NWD2: variants seen among roughly 807,000 people sequenced by gnomAD.
NWD2 encodes NACHT and WD repeat domain-containing protein 2.
In NWD2, 37 loss-of-function variants were observed where a neutral mutation model predicts 132.7. The ratio of observed to expected loss-of-function variants is 0.28; its 90% CI spans 0.21 to 0.37. The LOEUF (loss-of-function observed/expected upper bound fraction) is 0.37. Among genes scored for constraint, NWD2 ranks in the 10% least tolerant of loss-of-function variants. The probability of loss-of-function intolerance (pLI) is 1.00; values close to 1 mark genes in which losing one functional copy is unlikely to be tolerated. For missense variants in NWD2, 1,592 were observed against 2,122.4 expected, an observed-to-expected ratio of 0.75 and a Z score of 4.91; for synonymous variants, 705 against 803.0, an observed-to-expected ratio of 0.88 and a Z score of 2.06.
intron 1 of NWD2, among the ~76,000 whole-genome samples, chr4:37,300,889 T>C (rs1718599551): frequency 6.6e-6 from 1 of 152,140 alleles, no homozygotes; most frequent in Non-Finnish European, 1.5e-5. Flanking sequence ...AGACATATTA[T>C]TTAAGACATA....
chr4:37,343,378 A>G (rs1021814545), intron 2 of NWD2, among the ~76,000 whole-genome samples: 2 of 152,228 alleles, frequency 1.3e-5, no homozygotes, highest in Non-Finnish European at 2.9e-5. Flanking sequence ...GCAGATGTTA[A>G]TCCTTTTATT....
At chr4:37,342,832 C>T (rs755384226) in intron 2 of NWD2, among the ~76,000 whole-genome samples, 1 of 152,168 alleles carries the variant, frequency 6.6e-6, no homozygotes, top group Non-Finnish European at 1.5e-5. Context: ...AAGCATCATC[C>T]AACCTCATAT....
chr4:37,447,887 G>A lies in NWD2; in HGVS notation c.*670G>A, dbSNP rs1032729163. ...AAAGACAGTTGCAACAATTGCATGCGAGGGTTTCTGTATAACAGAATATAT... is the reference window on the plus strand; with the variant it reads ...AAAGACAGTTGCAACAATTGCATGCAAGGGTTTCTGTATAACAGAATATAT... On this transcript the variant is annotated 3_prime_UTR_variant, in exon 7 of 7. Transcript: ENST00000309447. 3.3e-5 allele frequency: 5 copies of A among 152,194 alleles called. No individual in the cohort carries two copies. The highest frequency in any genetic ancestry group is 1.9e-4 in the East Asian group (1 of 5,202). The allele number at this position is 152,194 out of a possible 1,614,324, so 9.4% of individuals were successfully genotyped here. A position where few individuals can be genotyped will look rare whatever the true frequency, so the allele number is the denominator to read the frequency against.
At chr4:37,384,721 T>A (rs1720523748) in intron 3 of NWD2, among the ~76,000 whole-genome samples, 1 of 152,226 alleles carries the variant, frequency 6.6e-6, no homozygotes, top group Non-Finnish European at 1.5e-5. Context: ...TCCAGATACA[T>A]CTAAAAGACT....
chr4:37,445,622 A>C lies in NWD2; in HGVS notation c.3634A>C (p.Ile1212Leu), dbSNP rs1270416020. Residue 1212 changes from isoleucine to leucine, a missense_variant, in exon 7 of 7, where the codon ATT (isoleucine) becomes CTT (leucine). By Grantham distance (5) the Ile-to-Leu change is conservative. This residue lies in a region of NWD2 where 1,071 missense variants were observed against 1,398.0 expected (regional missense o/e 0.77). Coordinates refer to ENST00000309447, the MANE Select transcript of NWD2 (RefSeq NM_001144990.2). The surrounding 1 kb of genome is among the most constrained non-coding windows in gnomAD (Gnocchi z 4.7). The stretch of plus-strand genomic sequence containing the variant: ...AGTTCTGATCTGTAAAGCCCTCAGC[A>C]TTGAGCTCTTAGATACTGGTCTGTG... ...SAVLICKALS[I>L]ELLDTGLWKV... is the part of the protein sequence containing the mutation. The C allele has an allele frequency of 1.3e-6, 2 of 1,552,294 alleles. No individual in the cohort carries two copies. The highest frequency in any genetic ancestry group is 1.2e-5 in the South Asian group (1 of 84,062).
intron 2 of NWD2, among the ~76,000 whole-genome samples, chr4:37,329,295 A>G (rs1382523863): frequency 1.3e-5 from 2 of 152,222 alleles, no homozygotes; most frequent in East Asian, 3.9e-4. Context: ...GGAGCTTCTA[A>G]CATTGTTAGG....
At chr4:37,252,005 A>G (rs1156828481) in intron 1 of NWD2, among the ~76,000 whole-genome samples, 2 of 152,202 alleles carry the variant, frequency 1.3e-5, no homozygotes, top group Non-Finnish European at 2.9e-5. Context: ...ATATGAACGG[A>G]GCATTAAAGG....
At chr4:37,307,555 A>G (rs1016779460) in intron 1 of NWD2, among the ~76,000 whole-genome samples, 10 of 152,154 alleles carry the variant, frequency 6.6e-5, no homozygotes, top group Admixed American at 2.0e-4. Context: ...GGTTTTTACA[A>G]TTCTCATTTT....
chr4:37,267,065 G>A (rs750677715), intron 1 of NWD2, among the ~76,000 whole-genome samples: 9 of 151,892 alleles, frequency 5.9e-5, no homozygotes, highest in Admixed American at 1.3e-4. Flanking sequence ...ATAGCAAAGA[G>A]AATAGCATAT....
intron 1 of NWD2, among the ~76,000 whole-genome samples, chr4:37,313,023 G>A (rs980727487): frequency 2.0e-5 from 3 of 150,988 alleles, no homozygotes; most frequent in Admixed American, 1.3e-4. Context: ...TGCTGGATTC[G>A]GTTTGCCAAT....
In NWD2 at chr4:37,438,901, T is replaced by C; in HGVS notation, c.807T>C (p.Phe269=). The C allele has an allele frequency of 6.4e-7, 1 of 1,552,034 alleles. No individual in the cohort carries two copies. The highest frequency in any genetic ancestry group is 8.7e-7 in the Non-Finnish European group (1 of 1,147,042). The change falls in exon 6 of 7, where the codon TTT becomes TTC. Residue 269 remains phenylalanine, a synonymous_variant. Coordinates refer to ENST00000309447, the MANE Select transcript of NWD2 (RefSeq NM_001144990.2). ...YIRKIANIER[F]VKIPEMGKYM... ...GGAAAATTGCTAACATTGAGCGCTTTGTGAAAATCCCAGAGATGGGAAAAT... is the reference window on the plus strand; with the variant it reads ...GGAAAATTGCTAACATTGAGCGCTTCGTGAAAATCCCAGAGATGGGAAAAT...
intron 3 of NWD2, among the ~76,000 whole-genome samples, chr4:37,411,521 C>T (rs1721156570): frequency 6.6e-6 from 1 of 152,114 alleles, no homozygotes; most frequent in Non-Finnish European, 1.5e-5. Flanking sequence ...AAGTCCAGGA[C>T]CAGACAGATA....
chr4:37,397,211 T>C (rs1720813246), intron 3 of NWD2, among the ~76,000 whole-genome samples: 1 of 152,114 alleles, frequency 6.6e-6, no homozygotes, highest in Non-Finnish European at 1.5e-5. Context: ...AGTGTTGCAA[T>C]AGCCTATTGC....
intron 3 of NWD2, among the ~76,000 whole-genome samples, chr4:37,382,688 ATATT>A (rs1055055670): frequency 8.6e-5 from 13 of 151,334 alleles, no homozygotes; most frequent in African/African-American, 2.9e-4. Flanking sequence ...TATTTTTTAT[ATATT>A]TATTTATTTA....
intron 3 of NWD2, among the ~76,000 whole-genome samples, chr4:37,403,777 G>A (rs1439790903): frequency 6.6e-6 from 1 of 152,158 alleles, no homozygotes; most frequent in Non-Finnish European, 1.5e-5. Context: ...TATTTTTATA[G>A]TCTATGGCAT....
chr4:37,324,269 TTC>T (rs1243686557), intron 1 of NWD2, among the ~76,000 whole-genome samples: 2 of 152,182 alleles, frequency 1.3e-5, no homozygotes, highest in Non-Finnish European at 2.9e-5. Context: ...AACAATAAGT[TTC>T]TGTTTCTTAT....
chr4:37,431,246 C>G (rs1712170962), intron 4 of NWD2, among the ~76,000 whole-genome samples: 1 of 152,094 alleles, frequency 6.6e-6, no homozygotes, highest in Admixed American at 6.5e-5. Flanking sequence ...TGGAAACAGT[C>G]TAAGTGTCTG....
intron 1 of NWD2, among the ~76,000 whole-genome samples, chr4:37,277,802 T>C (rs1242037679): frequency 3.3e-5 from 5 of 152,152 alleles, no homozygotes; most frequent in Non-Finnish European, 5.9e-5. Flanking sequence ...TGAAAACTGG[T>C]CATTCTAGTT....
chr4:37,364,742 G>A (rs970646680), intron 3 of NWD2, among the ~76,000 whole-genome samples: 1 of 149,340 alleles, frequency 6.7e-6, no homozygotes, highest in Non-Finnish European at 1.5e-5. Context: ...CAGTGGCACA[G>A]CTAGCAGGGA....
Sources: gnomAD v4.1 joint callset for allele counts (sites outside exome capture counted in the v4.1 genomes callset) on GRCh38, gnomAD v4.1.1 for gene constraint, gnomAD v4.1.1 regional missense constraint, Gnocchi (gnomAD v3.1) non-coding constraint, MANE v1.5 for transcripts, NCBI Gene and HGNC (gene_info 2026-07-23, HGNC 2026-07-21) for gene names.